CELF1: variants seen among roughly 807,000 people sequenced by gnomAD.
CELF1 encodes the protein CUGBP Elav-like family member 1.
CELF1 carries 10 observed loss-of-function variants against 61.8 expected under a neutral mutation model. The ratio of observed to expected loss-of-function variants is 0.16; its 90% CI spans 0.10 to 0.27. The LOEUF (loss-of-function observed/expected upper bound fraction) is 0.27, where lower values mean the gene tolerates loss of function less well. Ranked by LOEUF, CELF1 falls within the 10% of genes least tolerant of loss-of-function variation. The pLI, the probability that CELF1 is intolerant of heterozygous loss-of-function variation, is 1.00. For synonymous variants in CELF1, 236 were observed against 225.1 expected (o/e 1.05, Z -0.43); for missense variants, 380 against 639.1 (o/e 0.59, Z 4.37).
At chr11:47,539,647 C>CA (rs1384181304) in intron 1 of CELF1, among the ~76,000 whole-genome samples, 15 of 152,116 alleles carry the variant, frequency 9.9e-5, no homozygotes, top group Admixed American at 7.9e-4. Flanking sequence ...AAAGTTATTT[C>CA]GGCTGAAAAT....
chr11:47,521,917 T>TA (rs1177127019), intron 1 of CELF1, among the ~76,000 whole-genome samples: 2 of 152,020 alleles, frequency 1.3e-5, no homozygotes, highest in African/African-American at 4.8e-5. Context: ...ATGCTGATTT[T>TA]TTTTTTTTTT....
intron 8 of CELF1, 126 bp downstream of exon 8, chr11:47,483,321 TTTTAAC>T (rs1565776599): frequency 2.8e-6 from 2 of 713,844 alleles, no homozygotes; most frequent in Admixed American, 2.2e-5. Flanking sequence ...AATCAGTGGT[TTTTAAC>T]TTTAAGATGT....
At position 47,487,225 on chromosome 11, in the gene CELF1, T is replaced by G. The variant is rs1255676783; in HGVS notation, c.276A>C (p.Thr92=). The G allele has an allele frequency of 6.2e-6, 10 of 1,612,002 alleles. No individual in the cohort carries two copies. The Admixed American group carries it at 1.7e-4, about 27-fold the overall frequency. Residue 92 remains threonine (T), a synonymous_variant, in exon 5 of 15, where the codon ACA becomes ACC. Coordinates refer to ENST00000687097, the MANE Select transcript of CELF1 (RefSeq NM_001376376.1). Reference sequence around the variant, plus strand: ...CTAATGCAGCTTTACGGGTGTAAAATGTAACAAAACAGCACCCTGCAATAA... The same window carrying G: ...CTAATGCAGCTTTACGGGTGTAAAAGGTAACAAAACAGCACCCTGCAATAA... The part of the protein sequence containing the change: ...PPQSKGCCFV[T]FYTRKAALEA...
upstream of CELF1, among the ~76,000 whole-genome samples, chr11:47,557,056 C>T (rs777406667): frequency 6.6e-6 from 1 of 152,040 alleles, no homozygotes; most frequent in Non-Finnish European, 1.5e-5. Context: ...CACACCACCA[C>T]GCCCAGCTAA....
intron 3 of CELF1, among the ~76,000 whole-genome samples, chr11:47,491,108 T>C (rs2091242475): frequency 6.6e-6 from 1 of 151,762 alleles, no homozygotes; most frequent in Non-Finnish European, 1.5e-5. Context: ...GTGATCTGCC[T>C]GCCTCAGCCT....
chr11:47,540,271 C>T (rs1402670275), intron 1 of CELF1, among the ~76,000 whole-genome samples: 1 of 152,162 alleles, frequency 6.6e-6, no homozygotes, highest in African/African-American at 2.4e-5. Flanking sequence ...ATGACAAATA[C>T]TGAATCATGA....
chr11:47,466,993 CA>C lies in CELF1; in HGVS notation c.*5236del, dbSNP rs1454161603. On this transcript the variant is annotated 3_prime_UTR_variant, in exon 15 of 15. Coordinates refer to ENST00000687097, the MANE Select transcript of CELF1 (RefSeq NM_001376376.1). Reference sequence around the variant, plus strand: ...TTCCCCCAGGCAGAGCGGCCTTGGGCATAATACCAGGCAACCTGCCAGCCCC... The same window carrying C: ...TTCCCCCAGGCAGAGCGGCCTTGGGCTAATACCAGGCAACCTGCCAGCCCC... 1.3e-5 allele frequency: 2 copies of C among 152,102 alleles called. No individual in the cohort carries two copies. The highest frequency in any genetic ancestry group is 2.9e-5 in the Non-Finnish European group (2 of 68,054). 9.4% of individuals were successfully genotyped at this position (152,102 alleles called of 1,614,324 possible).
At chr11:47,509,714 A>C (rs2094905609) in intron 1 of CELF1, among the ~76,000 whole-genome samples, 1 of 152,080 alleles carries the variant, frequency 6.6e-6, no homozygotes, top group Admixed American at 6.5e-5. Flanking sequence ...AATGTGAGGA[A>C]ACACCGTCTC....
intron 2 of CELF1, chr11:47,499,832 A>G (rs1489143540): frequency 3.5e-6 from 1 of 288,672 alleles, no homozygotes. Context: ...GTGCACTGTC[A>G]GATAAATAGT....
intron 2 of CELF1, among the ~76,000 whole-genome samples, chr11:47,561,974 C>T (rs2097227029): frequency 6.6e-6 from 1 of 151,322 alleles, no homozygotes; most frequent in Admixed American, 6.6e-5. Context: ...CACCTGTAAT[C>T]CCAGCACTTT....
Position 47,475,276 on chromosome 11 carries a change from G to C in CELF1, c.1273+60C>G, listed in dbSNP as rs779438154. The C allele has an allele frequency of 3.9e-6, 6 of 1,542,290 alleles. No homozygotes were observed. The Admixed American group carries it at 5.1e-5, about 13-fold the overall frequency. ...CCCTCAGCCTTTGCTCTGCCTTTCC[G>C]TTCTGGTATAGGAGGAAAACCGCCC... On this transcript the variant is annotated intron_variant, in intron 13 of 14. Coordinates refer to ENST00000687097, the MANE Select transcript of CELF1 (RefSeq NM_001376376.1).
At position 47,471,150 on chromosome 11, in the gene CELF1, G is replaced by A. The variant is rs1244762394; in HGVS notation, c.*1080C>T. 3 of 152,154 alleles carry A rather than the reference G, an allele frequency of 2.0e-5. No homozygotes were observed. The highest frequency in any genetic ancestry group is 6.6e-5 in the Admixed American group (1 of 15,258). The allele number at this position is 152,154 out of a possible 1,614,324, so 9.4% of individuals were successfully genotyped here. A position where few individuals can be genotyped will look rare whatever the true frequency, so the allele number is the denominator to read the frequency against. ...CAAATGAAGCATACTGGCTTGCAGG[G>A]ACCTTCTGATTCAAGTACACCAAGA... On this transcript the variant is annotated 3_prime_UTR_variant, in exon 15 of 15. Coordinates refer to ENST00000687097, the MANE Select transcript of CELF1 (RefSeq NM_001376376.1).
chr11:47,473,137 C>T lies in CELF1; in HGVS notation c.1368G>A (p.Val456=). The part of the protein sequence containing the change: ...LQMFMPFGNV[V]SAKVFIDKQT... ...GCTTGTCTATGAAAACCTTGGCAGA[C>T]ACGACATTCCCAAAGGGCATAAACA... Residue 456 remains valine, a synonymous_variant, in exon 14 of 15, where the codon GTG becomes GTA. Coordinates refer to ENST00000687097, the MANE Select transcript of CELF1 (RefSeq NM_001376376.1). The T allele has an allele frequency of 6.2e-7, 1 of 1,614,166 alleles. No homozygotes were observed. The highest frequency in any genetic ancestry group is 8.5e-7 in the Non-Finnish European group (1 of 1,180,018).
intron 7 of CELF1, among the ~76,000 whole-genome samples, chr11:47,484,103 T>C (rs1409890371): frequency 6.6e-6 from 1 of 152,070 alleles, no homozygotes; most frequent in Non-Finnish European, 1.5e-5. Flanking sequence ...GAGGCCAAGA[T>C]GACAGGATCG....
chr11:47,484,969 C>A (rs1363636860), intron 6 of CELF1, among the ~76,000 whole-genome samples: 1 of 152,166 alleles, frequency 6.6e-6, no homozygotes, highest in Non-Finnish European at 1.5e-5. Context: ...TGACCCACCA[C>A]GCCCGGCTTC....
intron 1 of CELF1, among the ~76,000 whole-genome samples, chr11:47,527,206 T>C (rs1798804481): frequency 6.6e-6 from 1 of 151,348 alleles, no homozygotes; most frequent in African/African-American, 2.4e-5. Flanking sequence ...ACACTAAACA[T>C]AAGGAGACCT....
At chr11:47,535,747 T>C (rs559594405) in intron 1 of CELF1, among the ~76,000 whole-genome samples, 10 of 151,520 alleles carry the variant, frequency 6.6e-5, no homozygotes, top group East Asian at 5.9e-4. Flanking sequence ...TCCTGTAGCA[T>C]GCCCACAAGT....
intron 1 of CELF1, among the ~76,000 whole-genome samples, chr11:47,501,427 C>T (rs1375921643): frequency 6.6e-6 from 1 of 152,180 alleles, no homozygotes; most frequent in Non-Finnish European, 1.5e-5. Context: ...CTATAGAAAG[C>T]TGCCTAGACC....
chr11:47,512,497 C>T (rs2153609806), intron 1 of CELF1, among the ~76,000 whole-genome samples: 1 of 145,378 alleles, frequency 6.9e-6, no homozygotes, highest in Non-Finnish European at 1.5e-5. Flanking sequence ...TCACTCTGCC[C>T]AGCTAATTTT....
Sources: gnomAD v4.1 joint callset for allele counts (sites outside exome capture counted in the v4.1 genomes callset) on GRCh38, gnomAD v4.1.1 for gene constraint, MANE v1.5 for transcripts, NCBI Gene and HGNC (gene_info 2026-07-23, HGNC 2026-07-21) for gene names.